TBC1D1: variants seen among roughly 807,000 people sequenced by gnomAD.
The protein encoded by TBC1D1 is TBC1 (tre-2/USP6, BUB2, cdc16) domain family, member 1.
Under a neutral mutation model 125.6 loss-of-function variants are expected in TBC1D1, and 89 were observed. The observed-to-expected ratio is 0.71, with a 90% CI of 0.60 to 0.85. The LOEUF is 0.85. TBC1D1 is among the 40% of genes least tolerant of loss of function. The probability of loss-of-function intolerance (pLI) is 0.00; values close to 1 mark genes in which losing one functional copy is unlikely to be tolerated. For synonymous variants in TBC1D1, 565 were observed against 564.1 expected (o/e 1.00, Z -0.02); for missense variants, 1,377 against 1,469.2 (o/e 0.94, Z 1.03).
In TBC1D1 at chr4:37,983,250, G is replaced by C. The variant is rs986005647; in HGVS notation, c.418-31259G>C. Among the ~76,000 whole-genome samples the C allele has an allele frequency of 5.9e-5, 9 of 151,842 alleles. No homozygotes were observed. The East Asian group carries it at 1.5e-3, about 26-fold the overall frequency. On this transcript the variant is annotated intron_variant, in intron 2 of 19. Transcript: ENST00000261439. Reference sequence around the variant, plus strand: ...CCTGCCTCAGCTCCCGAGTAGCTGGGATTACAGGCAGGTGCCACCACACCC... The same window carrying C: ...CCTGCCTCAGCTCCCGAGTAGCTGGCATTACAGGCAGGTGCCACCACACCC...
chr4:38,020,197 G>A (rs1743698653), intron 4 of TBC1D1, among the ~76,000 whole-genome samples: 1 of 152,126 alleles, frequency 6.6e-6, no homozygotes, highest in Non-Finnish European at 1.5e-5. Flanking sequence ...TTAAAATTGT[G>A]CTGTGTAGGC....
At chr4:37,974,438 C>T (rs970812062) in intron 2 of TBC1D1, among the ~76,000 whole-genome samples, 3 of 152,064 alleles carry the variant, frequency 2.0e-5, no homozygotes, top group African/African-American at 7.2e-5. Context: ...GGGGTCTCAC[C>T]GTGTTGCCCA....
At chr4:38,053,006 C>T in intron 11 of TBC1D1, 100 bp from the exon 13 acceptor site, 1 of 862,778 alleles carries the variant, frequency 1.2e-6, no homozygotes, top group Non-Finnish European at 1.6e-6. Flanking sequence ...CTTTTCTTAG[C>T]ATTAGAACAA....
At chr4:38,107,886 G>A (rs1304924125) in intron 15 of TBC1D1, among the ~76,000 whole-genome samples, 1 of 151,974 alleles carries the variant, frequency 6.6e-6, no homozygotes, top group Non-Finnish European at 1.5e-5. Context: ...TTGCTTCTGT[G>A]TTTCTTGGCT....
At chr4:38,099,181 A>G (rs1759872999) in intron 14 of TBC1D1, among the ~76,000 whole-genome samples, 1 of 152,218 alleles carries the variant, frequency 6.6e-6, no homozygotes, top group African/African-American at 2.4e-5. Flanking sequence ...GTACTGCAGT[A>G]AGAATGCTTA....
intron 2 of TBC1D1, among the ~76,000 whole-genome samples, chr4:37,953,375 G>A (rs1332041499): frequency 1.3e-5 from 2 of 152,192 alleles, no homozygotes; most frequent in South Asian, 4.1e-4. Flanking sequence ...TGCAATTAAA[G>A]CTTCATCAAG....
chr4:38,114,965 C>T (rs537058549), intron 15 of TBC1D1, among the ~76,000 whole-genome samples: 3 of 152,122 alleles, frequency 2.0e-5, no homozygotes, highest in African/African-American at 2.4e-5. Flanking sequence ...TGTAGTAAGG[C>T]GAGGCCTTTT....
intron 12 of TBC1D1, among the ~76,000 whole-genome samples, chr4:38,069,101 C>A (rs1173283213): frequency 6.6e-6 from 1 of 152,178 alleles, no homozygotes; most frequent in Non-Finnish European, 1.5e-5. Flanking sequence ...TATCCAGGTT[C>A]CTTGTTTTGC....
At chr4:37,969,502 T>G (rs1023164518) in intron 2 of TBC1D1, among the ~76,000 whole-genome samples, 2 of 152,176 alleles carry the variant, frequency 1.3e-5, no homozygotes, top group African/African-American at 4.8e-5. Context: ...ACTACCACCA[T>G]GCCTGGCTAA....
chr4:38,014,866 G>A lies in TBC1D1; in HGVS notation c.775G>A (p.Gly259Ser). The A allele has an allele frequency of 2.5e-6, 4 of 1,611,312 alleles. No homozygotes were observed. The highest frequency in any genetic ancestry group is 3.4e-6 in the Non-Finnish European group (4 of 1,177,932). ...GCAGGATGGGGGCCTCCGAAGCAGC[G>A]GCTTCTTCAGCTCCTTCGAGGAGAG... Residue 259 changes from glycine to serine, a missense_variant, in exon 3 of 20, where the codon GGC (glycine) becomes AGC (serine). Around this residue, in one of 3 missense-constraint regions of TBC1D1, gnomAD observed 822 missense variants for 824.6 expected, o/e 1.00. Transcript: ENST00000261439. This position sits in a 1 kb window ranked among gnomAD's most constrained non-coding sequence, Gnocchi z 5.1.
chr4:37,930,301 C>T (rs1313794790), intron 2 of TBC1D1, among the ~76,000 whole-genome samples: 4 of 152,096 alleles, frequency 2.6e-5, no homozygotes, highest in Non-Finnish European at 5.9e-5. Context: ...AAGAAGAGAA[C>T]TGATGTATTG....
chr4:37,989,851 G>T (rs11943860), intron 2 of TBC1D1, among the ~76,000 whole-genome samples: 50,491 of 152,044 alleles, frequency 0.33, 9,416 homozygotes, highest in African/African-American at 0.5. Flanking sequence ...ACAGTTTCTG[G>T]TTTTTTTCGT....
intron 2 of TBC1D1, among the ~76,000 whole-genome samples, chr4:37,981,575 G>C (rs997117427): frequency 2.0e-5 from 3 of 152,128 alleles, no homozygotes; most frequent in African/African-American, 7.2e-5. Context: ...AGTGGCTCCG[G>C]GCTGGGGTGG....
At chr4:38,129,833 TAGAA>T (rs1489795037) in intron 18 of TBC1D1, among the ~76,000 whole-genome samples, 23 of 152,300 alleles carry the variant, frequency 1.5e-4, no homozygotes, top group South Asian at 8.3e-4. Flanking sequence ...TACTAGATAA[TAGAA>T]AGACATTTCT....
intron 2 of TBC1D1, among the ~76,000 whole-genome samples, chr4:37,928,088 T>TAAAATGGGGTAATAATAA (rs986287703): frequency 1.3e-5 from 2 of 152,174 alleles, no homozygotes; most frequent in Admixed American, 1.3e-4. Context: ...TCCCCATCTG[T>TAAAATGGGGTAATAATAA]AAAATGGGGC....
intron 12 of TBC1D1, among the ~76,000 whole-genome samples, chr4:38,071,919 T>C (rs144120717): frequency 1.8e-3 from 277 of 152,320 alleles, no homozygotes; most frequent in Non-Finnish European, 3.0e-3. Flanking sequence ...TGATTTGCAC[T>C]GTATTTAGGA....
intron 2 of TBC1D1, chr4:37,961,210 T>C (rs529087248): frequency 3.9e-5 from 29 of 737,572 alleles, no homozygotes; most frequent in Non-Finnish European, 6.0e-5. Flanking sequence ...CCCGTACTCT[T>C]TGGGGATATG....
intron 13 of TBC1D1, among the ~76,000 whole-genome samples, chr4:38,095,495 G>T (rs1402672051): frequency 6.6e-6 from 1 of 152,168 alleles, no homozygotes; most frequent in Non-Finnish European, 1.5e-5. Flanking sequence ...CCAAATGGAG[G>T]TTTGGCTCTA....
chr4:38,066,711 G>T (rs1169446332), intron 12 of TBC1D1, among the ~76,000 whole-genome samples: 1 of 152,156 alleles, frequency 6.6e-6, no homozygotes, highest in Non-Finnish European at 1.5e-5. Context: ...GGAGCTGGGG[G>T]CTCTGGGGTT....
Sources: allele counts gnomAD v4.1 joint callset (sites outside exome capture counted in the v4.1 genomes callset), GRCh38; gene constraint gnomAD v4.1.1; regional missense constraint gnomAD v4.1.1; non-coding constraint Gnocchi (gnomAD v3.1); transcripts MANE v1.5; gene names NCBI Gene and HGNC (gene_info 2026-07-23, HGNC 2026-07-21).